The following CNTN6 variants were observed in gnomAD, a reference collection of about 807,000 sequenced individuals.
CNTN6 encodes the protein contactin 6, also known as contactin-6.
CNTN6 carries 137 observed loss-of-function variants against 122.8 expected under a neutral mutation model. That is an observed-to-expected ratio of 1.12 (90% CI 0.97 to 1.29). The LOEUF (loss-of-function observed/expected upper bound fraction) is 1.29. CNTN6 is among the 50% of genes most tolerant of loss of function. The pLI, the probability that CNTN6 is intolerant of heterozygous loss-of-function variation, is 0.00. For missense variants in CNTN6, 1,634 were observed against 1,223.4 expected (o/e 1.34, Z -5.01); for synonymous variants, 570 against 426.0 (o/e 1.34, Z -4.16).
intron 2 of CNTN6, among the ~76,000 whole-genome samples, chr3:1,159,818 G>T (rs1380221817): frequency 7.0e-6 from 1 of 142,692 alleles, no homozygotes; most frequent in African/African-American, 2.8e-5. Flanking sequence ...TCATTCGTTT[G>T]TTTTTCTTTT....
At chr3:1,289,092 A>T (rs964962958) in intron 5 of CNTN6, among the ~76,000 whole-genome samples, 3 of 152,236 alleles carry the variant, frequency 2.0e-5, no homozygotes, top group African/African-American at 7.2e-5. Flanking sequence ...TTAAAAATTC[A>T]ATGGTTTCAA....
In CNTN6 at chr3:1,391,741, A is replaced by G. The variant is rs1438940195; in HGVS notation, c.2704+5944A>G. ...ACAAAATCAATGTACAAAAATCACA[A>G]GCATTCTTATACACCAACAACAGAC... On this transcript the variant is annotated intron_variant, in intron 20 of 22. Coordinates refer to ENST00000446702, the MANE Select transcript of CNTN6 (RefSeq NM_001289080.2). Among the ~76,000 whole-genome samples, 70 of 149,786 alleles carry G rather than the reference A, an allele frequency of 4.7e-4. 1 individual carries two copies. In the South Asian group the frequency reaches 0.01, roughly 22 times the overall value.
intron 20 of CNTN6, among the ~76,000 whole-genome samples, chr3:1,400,943 C>T (rs1695610066): frequency 6.6e-6 from 1 of 152,064 alleles, no homozygotes; most frequent in Non-Finnish European, 1.5e-5. Flanking sequence ...TAATTTACTA[C>T]AAATATTTTG....
At chr3:1,373,490 A>T in intron 14 of CNTN6, 114 bp from the exon 15 acceptor site, 1 of 936,028 alleles carries the variant, frequency 1.1e-6, no homozygotes, top group Admixed American at 2.8e-5. Context: ...CTATAAATAC[A>T]TTATGGTCAA....
At chr3:1,174,494 T>C (rs1348239165) in intron 2 of CNTN6, among the ~76,000 whole-genome samples, 1 of 152,216 alleles carries the variant, frequency 6.6e-6, no homozygotes, top group Non-Finnish European at 1.5e-5. Context: ...TCCTGTCAGA[T>C]CTTCTGTCGT....
chr3:1,361,522 C>G (rs898336541), intron 12 of CNTN6, among the ~76,000 whole-genome samples: 2 of 152,104 alleles, frequency 1.3e-5, no homozygotes, highest in Non-Finnish European at 2.9e-5. Flanking sequence ...TTAGGAATCT[C>G]TACTTCTGTC....
At chr3:1,256,501 G>A (rs2094761198) in intron 4 of CNTN6, among the ~76,000 whole-genome samples, 1 of 152,108 alleles carries the variant, frequency 6.6e-6, no homozygotes. Context: ...AGAATTAAGA[G>A]TTCAATTTCA....
At chr3:1,146,052 C>A (rs548288902) in intron 1 of CNTN6, among the ~76,000 whole-genome samples, 8 of 152,078 alleles carry the variant, frequency 5.3e-5, no homozygotes, top group African/African-American at 1.9e-4. Context: ...TTAAAACCTT[C>A]ATTATTCCTT....
At chr3:1,319,807 T>G (rs1327398652) in intron 7 of CNTN6, among the ~76,000 whole-genome samples, 3 of 120,350 alleles carry the variant, frequency 2.5e-5, no homozygotes, top group Non-Finnish European at 1.7e-5. Context: ...AGGAAAATAA[T>G]GAAAACCAGA....
intron 2 of CNTN6, among the ~76,000 whole-genome samples, chr3:1,158,698 G>A (rs114616791): frequency 0.011 from 1,705 of 148,684 alleles, 39 homozygotes; most frequent in African/African-American, 0.04. Context: ...TCCACCTCCT[G>A]ACTAGCTGAA....
intron 5 of CNTN6, among the ~76,000 whole-genome samples, chr3:1,293,527 A>G (rs1320244911): frequency 2.0e-5 from 3 of 152,188 alleles, no homozygotes; most frequent in Non-Finnish European, 4.4e-5. Flanking sequence ...CTACCGGAAC[A>G]TATCAGAAAT....
Position 1,403,456 on chromosome 3 carries a change from C to T in CNTN6, c.*38C>T. On this transcript the variant is annotated 3_prime_UTR_variant, in exon 23 of 23. Coordinates refer to ENST00000446702, the MANE Select transcript of CNTN6 (RefSeq NM_001289080.2). The stretch of plus-strand genomic sequence containing the variant: ...TAAATCTTTGAGAGTTTTTTGAAAG[C>T]AAATCATTCTGTATATATGCTCTCC... 1 of 1,370,660 alleles carries T rather than the reference C, an allele frequency of 7.3e-7. No individual in the cohort carries two copies. Among genetic ancestry groups the T allele is most frequent in the Non-Finnish European group, 1.0e-6 (1 of 962,798 alleles). 84.9% of individuals were successfully genotyped at this position (1,370,660 alleles called of 1,614,324 possible). A position where few individuals can be genotyped will look rare whatever the true frequency, so the allele number is the denominator to read the frequency against.
intron 2 of CNTN6, among the ~76,000 whole-genome samples, chr3:1,172,353 A>G (rs931963897): frequency 2.6e-5 from 4 of 152,070 alleles, no homozygotes; most frequent in Admixed American, 2.0e-4. Flanking sequence ...GTGTATCACA[A>G]AGGAGGAAAA....
chr3:1,202,520 G>A (rs919616897), intron 2 of CNTN6, among the ~76,000 whole-genome samples: 23 of 149,906 alleles, frequency 1.5e-4, no homozygotes, highest in Non-Finnish European at 2.8e-4. Flanking sequence ...CAGCCTGGGC[G>A]ACAGAGCCAG....
chr3:1,330,122 A>G (rs1258342542), intron 11 of CNTN6, among the ~76,000 whole-genome samples, 187 bp downstream of exon 11: 4 of 152,020 alleles, frequency 2.6e-5, no homozygotes, highest in African/African-American at 9.6e-5. Flanking sequence ...TAAAATAAAG[A>G]CCTGTTTGTA....
chr3:1,227,698 A>G, intron 3 of CNTN6, 120 bp from the exon 4 acceptor site: 1 of 1,050,448 alleles, frequency 9.5e-7, no homozygotes, highest in South Asian at 1.5e-5. Flanking sequence ...GATTACCTCC[A>G]CATGTAATCA....
chr3:1,330,492 A>G (rs1320663312), intron 11 of CNTN6, among the ~76,000 whole-genome samples: 1 of 151,716 alleles, frequency 6.6e-6, no homozygotes, highest in East Asian at 1.9e-4. Context: ...CAAACAAACA[A>G]AAAAAAAGAC....
At chr3:1,397,044 G>A (rs1474680123) in intron 20 of CNTN6, among the ~76,000 whole-genome samples, 1 of 152,146 alleles carries the variant, frequency 6.6e-6, no homozygotes, top group Non-Finnish European at 1.5e-5. Context: ...AGAAGACAGA[G>A]GTATTTTCTT....
At chr3:1,112,996 A>G (rs1300039280) in intron 1 of CNTN6, among the ~76,000 whole-genome samples, 1 of 152,182 alleles carries the variant, frequency 6.6e-6, no homozygotes, top group Admixed American at 6.5e-5. Flanking sequence ...CACTAATTAC[A>G]CTATCACTTA....
Sources: gnomAD v4.1 joint callset for allele counts (sites outside exome capture counted in the v4.1 genomes callset) on GRCh38, gnomAD v4.1.1 for gene constraint, MANE v1.5 for transcripts, NCBI Gene and HGNC (gene_info 2026-07-23, HGNC 2026-07-21) for gene names.